Variants in HPSE2 observed in about 807,000 individuals in gnomAD.
HPSE2 encodes the protein heparanase 2 (inactive).
A neutral mutation model predicts 60.5 loss-of-function variants in HPSE2; 38 were observed. The ratio of observed to expected loss-of-function variants is 0.63; its 90% CI spans 0.48 to 0.82. The LOEUF (loss-of-function observed/expected upper bound fraction) is 0.82. Ranked by LOEUF, HPSE2 falls within the 40% of genes least tolerant of loss-of-function variation. The pLI, the probability that HPSE2 is intolerant of heterozygous loss-of-function variation, is 0.00. For missense variants in HPSE2, 713 were observed against 740.4 expected (o/e 0.96, Z 0.43); for synonymous variants, 295 against 293.2 (o/e 1.01, Z -0.06).
At chr10:99,186,123 C>CACACACACACACACAT (rs1848003086) in intron 2 of HPSE2, among the ~76,000 whole-genome samples, 2 of 145,780 alleles carry the variant, frequency 1.4e-5, no homozygotes, top group Non-Finnish European at 3.0e-5. Flanking sequence ...CACACACACA[C>CACACACACACACACAT]ACACACACAC....
intron 6 of HPSE2, among the ~76,000 whole-genome samples, chr10:98,679,477 T>C (rs1439197951): frequency 6.6e-6 from 1 of 152,172 alleles, no homozygotes; most frequent in Non-Finnish European, 1.5e-5. Flanking sequence ...TTCTAGGCTT[T>C]TTTAAGGTAT....
chr10:98,939,311 C>G lies in HPSE2; in HGVS notation c.611-195255G>C, dbSNP rs1268538414. Among the ~76,000 whole-genome samples, 43 of 143,620 alleles carry G rather than the reference C, an allele frequency of 3.0e-4. 10 individuals are homozygous for G. Among genetic ancestry groups the G allele is most frequent in the African/African-American group, 1.1e-3 (40 of 35,234 alleles). The allele number at this position is 143,620 out of a possible 152,430, so 94.2% of individuals were successfully genotyped here. A position where few individuals can be genotyped will look rare whatever the true frequency, so the allele number is the denominator to read the frequency against. ...TGGCAAATTGGATGGAGTCAAGACCCATCAGTGTGCTGTATTCAGGAAATC... is the reference window on the plus strand; with the variant it reads ...TGGCAAATTGGATGGAGTCAAGACCGATCAGTGTGCTGTATTCAGGAAATC... On this transcript the variant is annotated intron_variant, in intron 3 of 11. Transcript: ENST00000370552.
At chr10:99,120,652 T>C (rs929691837) in intron 3 of HPSE2, among the ~76,000 whole-genome samples, 1 of 152,150 alleles carries the variant, frequency 6.6e-6, no homozygotes, top group African/African-American at 2.4e-5. Context: ...TTTTGTATTT[T>C]TAGTAAAGAT....
At chr10:98,721,871 G>T in intron 4 of HPSE2, 43 bp from the exon 5 acceptor site, 2 of 1,541,222 alleles carry the variant, frequency 1.3e-6, no homozygotes, top group Non-Finnish European at 1.8e-6. Context: ...AGAAGTGTAA[G>T]GTTCTGCCAA....
intron 2 of HPSE2, among the ~76,000 whole-genome samples, chr10:99,181,906 A>C (rs1281724268): frequency 6.6e-6 from 1 of 152,126 alleles, no homozygotes; most frequent in Non-Finnish European, 1.5e-5. Context: ...GGAGATTAGG[A>C]TATACAAAGA....
intron 3 of HPSE2, among the ~76,000 whole-genome samples, chr10:99,041,002 G>A (rs1261745881): frequency 6.6e-6 from 1 of 151,858 alleles, no homozygotes; most frequent in Non-Finnish European, 1.5e-5. Context: ...CAGGAGAATG[G>A]CATGAACCTG....
chr10:98,678,322 G>T (rs544957367), intron 6 of HPSE2, among the ~76,000 whole-genome samples: 1 of 152,288 alleles, frequency 6.6e-6, no homozygotes, highest in East Asian at 1.9e-4. Flanking sequence ...TGTGATGATG[G>T]ATGTATTCTG....
At chr10:99,301,033 CA>C in the HPSE2 span, among the ~76,000 whole-genome samples, 1 of 152,184 alleles carries the variant, frequency 6.6e-6, no homozygotes, top group Non-Finnish European at 1.5e-5. Context: ...ACAGTTCATT[CA>C]ATAGTTCTTA....
chr10:99,021,196 T>A (rs1324951532), intron 3 of HPSE2, among the ~76,000 whole-genome samples: 2 of 152,190 alleles, frequency 1.3e-5, no homozygotes, highest in Non-Finnish European at 2.9e-5. Context: ...AATGCATAAA[T>A]GGTGTGGACA....
At position 98,656,930 on chromosome 10, in the gene HPSE2, T is replaced by C. The variant is rs548425992; in HGVS notation, c.1005-14990A>G. ...GCACCCGCCACCACATCCGGCTAAT[T>C]TTTGGTATTTTTGGTAGAGACATGG... On this transcript the variant is annotated intron_variant, in intron 6 of 11. Transcript: ENST00000370552. 3.9e-5 allele frequency among the ~76,000 whole-genome samples: 6 copies of C among 152,082 alleles called. No homozygotes were observed. The South Asian group carries it at 1.2e-3, about 32-fold the overall frequency.
At chr10:98,738,112 C>T (rs190796557) in intron 4 of HPSE2, among the ~76,000 whole-genome samples, 107 of 152,074 alleles carry the variant, frequency 7.0e-4, no homozygotes, top group Admixed American at 1.0e-3. Flanking sequence ...CAAAACAGCA[C>T]GGTACTGGTA....
At chr10:99,272,336 A>C in the HPSE2 span, among the ~76,000 whole-genome samples, 13 of 152,324 alleles carry the variant, frequency 8.5e-5, no homozygotes, top group Non-Finnish European at 1.5e-4. Context: ...TCTAGAAGGA[A>C]ACATTGGAAA....
At chr10:99,238,194 T>A (rs1455637996), upstream of HPSE2, among the ~76,000 whole-genome samples, 1 of 152,182 alleles carries the variant, frequency 6.6e-6, no homozygotes, top group Non-Finnish European at 1.5e-5. Context: ...GGCTTACAAG[T>A]GAATGCACTT....
chr10:98,937,311 T>A lies in HPSE2; in HGVS notation c.611-193255A>T, dbSNP rs558115756. On this transcript the variant is annotated intron_variant, in intron 3 of 11. Coordinates refer to ENST00000370552, the MANE Select transcript of HPSE2 (RefSeq NM_021828.5). The stretch of plus-strand genomic sequence containing the variant: ...TGCCTCACTCAGGAAGTGCAAGGAG[T>A]CGGGGAGTTCCCTTTCCTAGTCAAA... Among the ~76,000 whole-genome samples, 20 of 143,358 alleles carry A rather than the reference T, an allele frequency of 1.4e-4. 4 individuals are homozygous for A. Among genetic ancestry groups the A allele is most frequent in the African/African-American group, 5.4e-4 (19 of 35,206 alleles). The allele number at this position is 143,358 out of a possible 152,430, so 94.0% of individuals were successfully genotyped here. A position where few individuals can be genotyped will look rare whatever the true frequency, so the allele number is the denominator to read the frequency against.
At chr10:98,658,579 T>C (rs1307237396) in intron 6 of HPSE2, among the ~76,000 whole-genome samples, 2 of 152,088 alleles carry the variant, frequency 1.3e-5, no homozygotes, top group Non-Finnish European at 2.9e-5. Context: ...GTTGGTGAGC[T>C]TTATGTCCTA....
the HPSE2 span, among the ~76,000 whole-genome samples, chr10:99,244,322 C>T: frequency 2.0e-5 from 3 of 151,326 alleles, no homozygotes; most frequent in Non-Finnish European, 2.9e-5. Flanking sequence ...CGGCCTACAA[C>T]GGTATTTTCT....
chr10:98,986,186 A>C (rs987851356), intron 3 of HPSE2, among the ~76,000 whole-genome samples: 1 of 152,122 alleles, frequency 6.6e-6, no homozygotes, highest in Non-Finnish European at 1.5e-5. Flanking sequence ...CAACAGAATA[A>C]ACATTCTTTT....
rs193140992 is a variant in HPSE2 at position 99,076,773 on chromosome 10, T to C, written c.610+67465A>G. Among the ~76,000 whole-genome samples the C allele has an allele frequency of 1.8e-3, 278 of 152,352 alleles. 1 individual carries two copies. Among genetic ancestry groups the C allele is most frequent in the Non-Finnish European group, 3.1e-3 (211 of 68,034 alleles). The stretch of plus-strand genomic sequence containing the variant: ...ACCATTACAATATTGCATTATTCTG[T>C]ATTTATCTATATATTTACCTTTACT... On this transcript the variant is annotated intron_variant, in intron 3 of 11. Transcript: ENST00000370552.
chr10:99,286,793 C>G, the HPSE2 span, among the ~76,000 whole-genome samples: 2 of 152,122 alleles, frequency 1.3e-5, no homozygotes, highest in African/African-American at 4.8e-5. Flanking sequence ...TTGATACCAA[C>G]CAGTATTCCT....
Sources: allele counts gnomAD v4.1 joint callset (sites outside exome capture counted in the v4.1 genomes callset), GRCh38; gene constraint gnomAD v4.1.1; transcripts MANE v1.5; gene names NCBI Gene and HGNC (gene_info 2026-07-23, HGNC 2026-07-21).